Variants in CREB5 observed in about 807,000 individuals in gnomAD.
CREB5 encodes cAMP responsive element binding protein 5.
In CREB5, 19 loss-of-function variants were observed where a neutral mutation model predicts 57.1. The ratio of observed to expected loss-of-function variants is 0.33; its 90% CI spans 0.23 to 0.49. CREB5 has a LOEUF of 0.49. Ranked by LOEUF, CREB5 falls within the 20% of genes least tolerant of loss-of-function variation. CREB5 has a pLI of 0.99. For missense variants in CREB5, 579 were observed against 671.6 expected (o/e 0.86, Z 1.52); for synonymous variants, 238 against 238.3 (o/e 1.00, Z 0.01).
intron 1 of CREB5, among the ~76,000 whole-genome samples, chr7:28,378,675 C>G (rs934240108): frequency 1.3e-5 from 2 of 152,192 alleles, no homozygotes; most frequent in Non-Finnish European, 2.9e-5. Context: ...TCATCCATCA[C>G]TAATTGAAAT....
chr7:28,613,755 C>T (rs945892030), intron 5 of CREB5, among the ~76,000 whole-genome samples: 3 of 152,130 alleles, frequency 2.0e-5, no homozygotes, highest in African/African-American at 7.2e-5. Context: ...GTCATCAAAT[C>T]TCAATTTTAG....
chr7:28,651,675 C>T (rs1799134719), intron 5 of CREB5, among the ~76,000 whole-genome samples: 1 of 152,194 alleles, frequency 6.6e-6, no homozygotes, highest in Admixed American at 6.5e-5. Context: ...CAACATGTGT[C>T]AGACGTAAGC....
intron 7 of CREB5, among the ~76,000 whole-genome samples, chr7:28,747,967 T>A (rs1804774997): frequency 6.6e-6 from 1 of 152,076 alleles, no homozygotes; most frequent in African/African-American, 2.4e-5. Context: ...CACGGTGGTG[T>A]CTCCATTCCC....
chr7:28,555,321 A>G (rs1794821291), intron 4 of CREB5, among the ~76,000 whole-genome samples: 1 of 152,250 alleles, frequency 6.6e-6, no homozygotes, highest in Non-Finnish European at 1.5e-5. Flanking sequence ...GTACAACTGC[A>G]TGATTGACTT....
chr7:28,611,034 A>C (rs1797364001), intron 5 of CREB5, among the ~76,000 whole-genome samples: 1 of 152,022 alleles, frequency 6.6e-6, no homozygotes, highest in Non-Finnish European at 1.5e-5. Flanking sequence ...GAGACATTTA[A>C]GAGAACTGTC....
At chr7:28,639,303 T>C (rs1798554461) in intron 5 of CREB5, among the ~76,000 whole-genome samples, 1 of 152,144 alleles carries the variant, frequency 6.6e-6, no homozygotes, top group African/African-American at 2.4e-5. Context: ...ACAAAATTCC[T>C]TAAAACAAAT....
intron 1 of CREB5, among the ~76,000 whole-genome samples, chr7:28,363,540 C>T (rs538708119): frequency 6.6e-6 from 1 of 151,844 alleles, no homozygotes; most frequent in Admixed American, 6.6e-5. Flanking sequence ...TAGCTTTGAT[C>T]TCATCCACCG....
In CREB5 at chr7:28,781,211, C is replaced by T. The variant is rs374314537; in HGVS notation, c.703-22988C>T. Among the ~76,000 whole-genome samples the T allele has an allele frequency of 1.3e-4, 20 of 152,152 alleles. 2 individuals carry two copies. Among genetic ancestry groups the T allele is most frequent in the Admixed American group, 1.2e-3 (18 of 15,276 alleles). On this transcript the variant is annotated intron_variant, in intron 7 of 10. Coordinates refer to ENST00000357727, the MANE Select transcript of CREB5 (RefSeq NM_182898.4). ...GCCATTTGGACAGATCTGTGCCCTT[C>T]GATTTTCCTGCATTCAACAAAGCAG...
rs146268193 is a variant in CREB5, at chr7:28,772,875, C to T, written c.703-31324C>T. Among the ~76,000 whole-genome samples, 386 of 152,158 alleles carry T rather than the reference C, an allele frequency of 2.5e-3. 2 individuals carry two copies. The highest frequency in any genetic ancestry group is 8.8e-3 in the African/African-American group (366 of 41,508). ...AAGGAAAATACTTGGATTTAAGTGA[C>T]ACTTGTGCACCAGCTCTGGCCTACC... On this transcript the variant is annotated intron_variant, in intron 7 of 10. Coordinates refer to ENST00000357727, the MANE Select transcript of CREB5 (RefSeq NM_182898.4).
intron 3 of CREB5, among the ~76,000 whole-genome samples, chr7:28,506,517 C>T (rs1476890024): frequency 1.3e-5 from 2 of 152,184 alleles, no homozygotes; most frequent in Non-Finnish European, 2.9e-5. Flanking sequence ...GCATTGAGGC[C>T]TTGGTTATAA....
At chr7:28,375,612 A>C (rs190370576) in intron 1 of CREB5, among the ~76,000 whole-genome samples, 104 of 152,244 alleles carry the variant, frequency 6.8e-4, no homozygotes, top group Admixed American at 5.7e-3. Context: ...GGAAAAAAAA[A>C]CAGATTTCTT....
chr7:28,393,232 C>A (rs1051357363), intron 1 of CREB5, among the ~76,000 whole-genome samples: 4 of 152,036 alleles, frequency 2.6e-5, no homozygotes, highest in African/African-American at 9.7e-5. Flanking sequence ...CCAGCCATAG[C>A]AATGTTTTTA....
At chr7:28,301,784 G>A (rs1785101549) in intron 1 of CREB5, among the ~76,000 whole-genome samples, 1 of 152,200 alleles carries the variant, frequency 6.6e-6, no homozygotes, top group Admixed American at 6.5e-5. Flanking sequence ...GCTCAGAGGA[G>A]GAGGATGCAC....
At chr7:28,545,056 T>G (rs1342320898) in intron 4 of CREB5, among the ~76,000 whole-genome samples, 2 of 152,146 alleles carry the variant, frequency 1.3e-5, no homozygotes, top group Non-Finnish European at 2.9e-5. Context: ...CAGTGTTTTG[T>G]CTGTCACCAG....
chr7:28,525,576 T>G (rs748245270), intron 4 of CREB5, among the ~76,000 whole-genome samples: 1 of 152,138 alleles, frequency 6.6e-6, no homozygotes, highest in Non-Finnish European at 1.5e-5. Flanking sequence ...CCCTGATGAT[T>G]AGTGATGGTG....
rs114607318 is a variant in CREB5 at position 28,374,737 on chromosome 7, G to T, written c.-25+75296G>T. On this transcript the variant is annotated intron_variant, in intron 1 of 9. Coordinates refer to the CREB5 transcript ENST00000396299. ...TTGAAACAATTTCAGTTCCCAACTC[G>T]TCAGTCATAGTATTATAGCCTCAGA... Among the ~76,000 whole-genome samples the T allele has an allele frequency of 3.1e-3, 478 of 152,274 alleles. 1 individual carries two copies. Among genetic ancestry groups the T allele is most frequent in the African/African-American group, 0.01 (432 of 41,544 alleles).
chr7:28,561,321 T>A (rs1314556742), intron 4 of CREB5, among the ~76,000 whole-genome samples: 1 of 152,188 alleles, frequency 6.6e-6, no homozygotes, highest in East Asian at 1.9e-4. Context: ...ATAGTATATA[T>A]ACCAGTGTGT....
At chr7:28,373,672 T>A (rs1786762390) in intron 1 of CREB5, among the ~76,000 whole-genome samples, 1 of 151,944 alleles carries the variant, frequency 6.6e-6, no homozygotes, top group Non-Finnish European at 1.5e-5. Flanking sequence ...GCAATCCACC[T>A]GCCTTGGCCT....
chr7:28,448,722 G>A (rs1789627768), intron 1 of CREB5, among the ~76,000 whole-genome samples: 1 of 152,264 alleles, frequency 6.6e-6, no homozygotes, highest in Non-Finnish European at 1.5e-5. Flanking sequence ...GTCACAGGAG[G>A]AGGAATTGAC....
Sources: allele counts gnomAD v4.1 joint callset (sites outside exome capture counted in the v4.1 genomes callset), GRCh38; gene constraint gnomAD v4.1.1; transcripts MANE v1.5; gene names NCBI Gene and HGNC (gene_info 2026-07-23, HGNC 2026-07-21).